Variants in MACROD2 observed in about 807,000 individuals in gnomAD.
MACROD2 encodes the protein ADP-ribose glycohydrolase MACROD2.
A neutral mutation model predicts 70.4 loss-of-function variants in MACROD2; 36 were observed. The ratio of observed to expected loss-of-function variants is 0.51; its 90% CI spans 0.39 to 0.68. The LOEUF (loss-of-function observed/expected upper bound fraction) is 0.68, where lower values mean the gene tolerates loss of function less well. Ranked by LOEUF, MACROD2 falls within the 30% of genes least tolerant of loss-of-function variation. The probability of loss-of-function intolerance (pLI) is 0.00; values close to 1 mark genes in which losing one functional copy is unlikely to be tolerated. For synonymous variants in MACROD2, 172 were observed against 178.8 expected (o/e 0.96, Z 0.30); for missense variants, 496 against 538.4 (o/e 0.92, Z 0.78).
intron 5 of MACROD2, among the ~76,000 whole-genome samples, chr20:15,213,019 G>C (rs1360270219): frequency 2.0e-5 from 3 of 152,178 alleles, no homozygotes; most frequent in Non-Finnish European, 4.4e-5. Context: ...TTTTAAGGAG[G>C]TGCAAAAAGA....
At position 14,814,402 on chromosome 20, in the gene MACROD2, T is replaced by C. The variant is rs543663605; in HGVS notation, c.418+129443T>C. ...CTTACAGTTTTTTTAAAAAATAAAA[T>C]TGATGTTATAACTTTATGGAAATCA... is the stretch of plus-strand genomic sequence containing the variant. On this transcript the variant is annotated intron_variant, in intron 5 of 17. Transcript: ENST00000684519. Among the ~76,000 whole-genome samples the C allele has an allele frequency of 3.3e-5, 5 of 152,182 alleles. No individual in the cohort carries two copies. The South Asian group carries it at 1.0e-3, about 32-fold the overall frequency.
At chr20:15,001,170 T>G (rs916826862) in intron 5 of MACROD2, among the ~76,000 whole-genome samples, 8 of 152,140 alleles carry the variant, frequency 5.3e-5, no homozygotes. Context: ...AATGGCTGTT[T>G]GGGAAATGCA....
At chr20:14,076,449 A>G (rs2053917397) in intron 2 of MACROD2, among the ~76,000 whole-genome samples, 2 of 152,028 alleles carry the variant, frequency 1.3e-5, no homozygotes, top group Admixed American at 1.3e-4. Flanking sequence ...TCAGGAGTTC[A>G]AAATCAGTCT....
chr20:15,597,139 A>G (rs1003543177), intron 8 of MACROD2, among the ~76,000 whole-genome samples: 15 of 152,188 alleles, frequency 9.9e-5, no homozygotes, highest in African/African-American at 3.1e-4. Flanking sequence ...AGGTGCTGGT[A>G]TATGGTGAAT....
At chr20:14,562,502 T>A (rs1286573189) in intron 4 of MACROD2, among the ~76,000 whole-genome samples, 2 of 110,040 alleles carry the variant, frequency 1.8e-5, no homozygotes, top group African/African-American at 7.3e-5. Flanking sequence ...AAGTAACACT[T>A]GACAGCAAAA....
intron 10 of MACROD2, among the ~76,000 whole-genome samples, chr20:15,924,731 A>G (rs1295802828): frequency 6.6e-6 from 1 of 152,226 alleles, no homozygotes; most frequent in African/African-American, 2.4e-5. Context: ...GAATTTATTC[A>G]TGGGATGATT....
intron 6 of MACROD2, among the ~76,000 whole-genome samples, chr20:15,294,172 C>A (rs1410551613): frequency 6.7e-6 from 1 of 149,676 alleles, no homozygotes; most frequent in African/African-American, 2.5e-5. Flanking sequence ...CTCTAGATTG[C>A]AACTTCTCTT....
intron 2 of MACROD2, among the ~76,000 whole-genome samples, chr20:14,030,670 A>C (rs2053235339): frequency 6.6e-6 from 1 of 152,162 alleles, no homozygotes; most frequent in Non-Finnish European, 1.5e-5. Context: ...TTGGCCTCCC[A>C]AAGTGCTGGG....
chr20:14,586,524 G>T (rs1981390881), intron 4 of MACROD2, among the ~76,000 whole-genome samples: 1 of 151,906 alleles, frequency 6.6e-6, no homozygotes, highest in Admixed American at 6.6e-5. Flanking sequence ...GAAGAGAAAT[G>T]GTTATTTAGA....
At chr20:14,965,085 C>T (rs2074620212) in intron 5 of MACROD2, among the ~76,000 whole-genome samples, 2 of 152,108 alleles carry the variant, frequency 1.3e-5, no homozygotes, top group Non-Finnish European at 2.9e-5. Context: ...AACCTGTTTT[C>T]ATGTGAAAAT....
intron 5 of MACROD2, among the ~76,000 whole-genome samples, chr20:14,843,193 G>A (rs1167395419): frequency 7.5e-6 from 1 of 133,492 alleles, no homozygotes; most frequent in East Asian, 2.1e-4. Context: ...GCTGCCTCTA[G>A]GATATAATGT....
intron 15 of MACROD2, among the ~76,000 whole-genome samples, chr20:16,026,755 T>C (rs1428548216): frequency 6.6e-6 from 1 of 152,108 alleles, no homozygotes; most frequent in Non-Finnish European, 1.5e-5. Flanking sequence ...TGGCCCTTTT[T>C]CAGACAACAA....
At chr20:15,806,847 G>A (rs1349695409) in intron 8 of MACROD2, among the ~76,000 whole-genome samples, 1 of 152,110 alleles carries the variant, frequency 6.6e-6, no homozygotes, top group East Asian at 1.9e-4. Flanking sequence ...TGGATAAGGG[G>A]TTCTAAAAAA....
chr20:14,968,996 T>A (rs2074664618), intron 5 of MACROD2, among the ~76,000 whole-genome samples: 1 of 152,278 alleles, frequency 6.6e-6, no homozygotes, highest in South Asian at 2.1e-4. Flanking sequence ...ATCTCCAATA[T>A]GAACTGTGAG....
chr20:14,155,083 G>A (rs2055081416), intron 3 of MACROD2, among the ~76,000 whole-genome samples: 1 of 152,054 alleles, frequency 6.6e-6, no homozygotes, highest in African/African-American at 2.4e-5. Context: ...TAGAGTAAGA[G>A]TACTTTGTTT....
chr20:14,295,637 A>G (rs1050166169), intron 3 of MACROD2, among the ~76,000 whole-genome samples: 2 of 151,780 alleles, frequency 1.3e-5, no homozygotes, highest in Admixed American at 6.6e-5. Flanking sequence ...TTAACAATGT[A>G]TTTATTTATT....
intron 6 of MACROD2, among the ~76,000 whole-genome samples, chr20:15,379,546 C>G (rs1190346301): frequency 6.6e-6 from 1 of 152,016 alleles, no homozygotes; most frequent in African/African-American, 2.4e-5. Flanking sequence ...TACGATCATT[C>G]ACTGGATGGC....
intron 5 of MACROD2, among the ~76,000 whole-genome samples, chr20:14,981,552 A>C (rs1009198798): frequency 3.3e-5 from 5 of 151,840 alleles, no homozygotes; most frequent in Non-Finnish European, 7.4e-5. Context: ...GTTGTGGGAG[A>C]GACCCAGTGG....
At chr20:14,837,471 A>T (rs1353058949) in intron 5 of MACROD2, among the ~76,000 whole-genome samples, 1 of 152,052 alleles carries the variant, frequency 6.6e-6, no homozygotes, top group Non-Finnish European at 1.5e-5. Context: ...GTATGAATGG[A>T]TATGTAACAA....
Sources: gnomAD v4.1 joint callset for allele counts (sites outside exome capture counted in the v4.1 genomes callset) on GRCh38, gnomAD v4.1.1 for gene constraint, MANE v1.5 for transcripts, NCBI Gene and HGNC (gene_info 2026-07-23, HGNC 2026-07-21) for gene names.